Variants in SORCS1 observed in about 807,000 individuals in gnomAD.
SORCS1 encodes the protein VPS10 domain-containing receptor SorCS1.
In SORCS1, 60 loss-of-function variants were observed where a neutral mutation model predicts 146.1. That is an observed-to-expected ratio of 0.41 (90% CI 0.33 to 0.51). The LOEUF is 0.51. SORCS1 is among the 20% of genes least tolerant of loss of function. The pLI is 0.21. For synonymous variants in SORCS1, 637 were observed against 584.0 expected (o/e 1.09, Z -1.31); for missense variants, 1,352 against 1,487.6 (o/e 0.91, Z 1.50).
intron 24 of SORCS1, among the ~76,000 whole-genome samples, chr10:106,592,166 A>C (rs1008077704): frequency 1.3e-5 from 2 of 152,218 alleles, no homozygotes; most frequent in Non-Finnish European, 2.9e-5. Context: ...TCCTTTCCGC[A>C]AAGAGAATTT....
chr10:106,974,250 A>T (rs894705009), intron 1 of SORCS1, among the ~76,000 whole-genome samples: 1 of 152,212 alleles, frequency 6.6e-6, no homozygotes, highest in South Asian at 2.1e-4. Context: ...GTCTTCAGAC[A>T]ACTTTATATA....
At chr10:106,714,784 G>A (rs1010820361) in intron 6 of SORCS1, among the ~76,000 whole-genome samples, 16 of 152,252 alleles carry the variant, frequency 1.1e-4, no homozygotes, top group African/African-American at 3.4e-4. Flanking sequence ...GTAGGGGAGC[G>A]GGGAGTCAAG....
intron 1 of SORCS1, among the ~76,000 whole-genome samples, chr10:106,984,036 A>G (rs1956347523): frequency 6.6e-6 from 1 of 152,218 alleles, no homozygotes. Flanking sequence ...GCAGGAACTA[A>G]TGGCTTTTAC....
intron 5 of SORCS1, among the ~76,000 whole-genome samples, chr10:106,742,305 G>A (rs1292038392): frequency 2.0e-5 from 3 of 152,136 alleles, no homozygotes; most frequent in African/African-American, 4.8e-5. Context: ...AGATATCTTA[G>A]GGATGGAACG....
chr10:106,843,392 C>T (rs1589529876), intron 2 of SORCS1, among the ~76,000 whole-genome samples: 1 of 150,132 alleles, frequency 6.7e-6, no homozygotes, highest in East Asian at 1.9e-4. Flanking sequence ...ATAATGTTTT[C>T]CAAGTTAATT....
chr10:106,844,941 A>G (rs1318508665), intron 2 of SORCS1, among the ~76,000 whole-genome samples: 1 of 149,136 alleles, frequency 6.7e-6, no homozygotes, highest in Non-Finnish European at 1.5e-5. Flanking sequence ...ATAGTATTCC[A>G]TGGTGTATAT....
chr10:107,128,111 G>A (rs1462488788), intron 1 of SORCS1, among the ~76,000 whole-genome samples: 4 of 152,072 alleles, frequency 2.6e-5, no homozygotes. Flanking sequence ...TTCAATATAA[G>A]TATAAGGTCT....
intron 4 of SORCS1, among the ~76,000 whole-genome samples, chr10:106,769,369 C>T (rs1282396581): frequency 6.6e-6 from 1 of 151,682 alleles, no homozygotes; most frequent in East Asian, 1.9e-4. Flanking sequence ...CCAGTAATCC[C>T]AGCTACTTGG....
intron 15 of SORCS1, among the ~76,000 whole-genome samples, chr10:106,671,734 A>G (rs931270954): frequency 1.2e-4 from 19 of 152,206 alleles, no homozygotes; most frequent in Admixed American, 3.9e-4. Context: ...TAAAAGATGT[A>G]TACAGTTGGT....
At position 106,822,802 on chromosome 10, in the gene SORCS1, T is replaced by TTTTTTTTTTTTTTTG. The variant is rs994708912; in HGVS notation, c.726+6771_726+6772insCAAAAAAAAAAAAAA. 2.7e-3 allele frequency among the ~76,000 whole-genome samples: 375 copies of TTTTTTTTTTTTTTTG among 140,114 alleles called. 15 individuals carry two copies. Among genetic ancestry groups the TTTTTTTTTTTTTTTG allele is most frequent in the East Asian group, 0.026 (112 of 4,314 alleles). 91.9% of individuals were successfully genotyped at this position (140,114 alleles called of 152,430 possible). ...GTGTGGTTTTTTTTTTTTTTTTTTT[T>TTTTTTTTTTTTTTTG]GAATATTGCTCTGTTGTGCCCAGGC... is the stretch of plus-strand genomic sequence containing the variant. On this transcript the variant is annotated intron_variant, in intron 3 of 25. Coordinates refer to ENST00000263054, the MANE Select transcript of SORCS1 (RefSeq NM_052918.5).
chr10:106,810,310 A>T (rs2136773648), intron 3 of SORCS1, among the ~76,000 whole-genome samples: 1 of 152,316 alleles, frequency 6.6e-6, no homozygotes, highest in South Asian at 2.1e-4. Flanking sequence ...ATTTAAAGCA[A>T]TATAACCCCC....
the SORCS1 span, among the ~76,000 whole-genome samples, chr10:107,179,852 C>T: frequency 1.3e-5 from 2 of 150,116 alleles, no homozygotes; most frequent in Non-Finnish European, 3.0e-5. Flanking sequence ...TATGTTTTCC[C>T]ACTCTTTAGC....
chr10:106,898,113 C>T (rs1245056814), intron 2 of SORCS1, among the ~76,000 whole-genome samples: 1 of 152,190 alleles, frequency 6.6e-6, no homozygotes, highest in African/African-American at 2.4e-5. Context: ...AGAGCAATGC[C>T]GTGGTTGTAA....
At chr10:106,768,983 C>T (rs1859783148) in intron 4 of SORCS1, among the ~76,000 whole-genome samples, 1 of 152,190 alleles carries the variant, frequency 6.6e-6, no homozygotes, top group Admixed American at 6.5e-5. Flanking sequence ...GGTCACAGAG[C>T]AGGGGTAGGA....
chr10:106,638,360 T>C (rs1416398344), intron 18 of SORCS1, among the ~76,000 whole-genome samples: 1 of 151,874 alleles, frequency 6.6e-6, no homozygotes, highest in East Asian at 1.9e-4. Flanking sequence ...TAGTAAAATA[T>C]GTAACAGAAA....
chr10:106,815,796 G>A (rs995188702), intron 3 of SORCS1, among the ~76,000 whole-genome samples: 1 of 152,222 alleles, frequency 6.6e-6, no homozygotes, highest in Non-Finnish European at 1.5e-5. Flanking sequence ...CACTTCCTCT[G>A]CAGATCAAAT....
intron 2 of SORCS1, among the ~76,000 whole-genome samples, chr10:106,865,495 G>T (rs1357016703): frequency 6.6e-6 from 1 of 152,058 alleles, no homozygotes; most frequent in Non-Finnish European, 1.5e-5. Context: ...AGGCCTAGGT[G>T]GGTGGATTGC....
rs538757754 is a variant in SORCS1, at chr10:106,585,878, T to G, written c.3266-6404A>C. Among the ~76,000 whole-genome samples, 26 of 152,266 alleles carry G rather than the reference T, an allele frequency of 1.7e-4. 1 individual carries two copies. Among genetic ancestry groups the G allele is most frequent in the African/African-American group, 6.0e-4 (25 of 41,550 alleles). On this transcript the variant is annotated intron_variant, in intron 24 of 25. Transcript: ENST00000263054. ...CAGGTTAATTATTCCAACCAAAGCA[T>G]GCTAGAGCAGCCTGCAGGCAGCTGA...
intron 8 of SORCS1, among the ~76,000 whole-genome samples, chr10:106,700,255 C>T (rs1018753429): frequency 6.6e-6 from 1 of 152,088 alleles, no homozygotes. Context: ...TCTTTTTCCC[C>T]CATTCATAAC....
Sources: allele counts gnomAD v4.1 joint callset (sites outside exome capture counted in the v4.1 genomes callset), GRCh38; gene constraint gnomAD v4.1.1; transcripts MANE v1.5; gene names NCBI Gene and HGNC (gene_info 2026-07-23, HGNC 2026-07-21).